The following HYOU1 variants were observed in gnomAD, a reference collection of about 807,000 sequenced individuals.
HYOU1 encodes hypoxia up-regulated protein 1.
Under a neutral mutation model 120.5 loss-of-function variants are expected in HYOU1, and 40 were observed. That is an observed-to-expected ratio of 0.33 (90% CI 0.26 to 0.43). HYOU1 has a LOEUF of 0.43. Ranked by LOEUF, HYOU1 falls within the 20% of genes least tolerant of loss-of-function variation. The probability of loss-of-function intolerance (pLI) is 1.00; values close to 1 mark genes in which losing one functional copy is unlikely to be tolerated. For synonymous variants in HYOU1, 501 were observed against 479.4 expected, an observed-to-expected ratio of 1.05 and a Z score of -0.59; for missense variants, 1,085 against 1,278.3, an observed-to-expected ratio of 0.85 and a Z score of 2.31.
Position 119,051,309 on chromosome 11 carries a change from C to G in HYOU1, c.1526+129G>C. The G allele has an allele frequency of 6.7e-7, 1 of 1,483,778 alleles. No homozygotes were observed. The allele number at this position is 1,483,778 out of a possible 1,614,324, so 91.9% of individuals were successfully genotyped here. A position where few individuals can be genotyped will look rare whatever the true frequency, so the allele number is the denominator to read the frequency against. On this transcript the variant is annotated intron_variant, in intron 13 of 25. Coordinates refer to ENST00000617285, the MANE Select transcript of HYOU1 (RefSeq NM_006389.5). This position sits in a 1 kb window ranked among gnomAD's most constrained non-coding sequence, Gnocchi z 4.2. ...TCAAGAGGACGGATGCATTCTCCAG[C>G]GAAGCTGATCATAGCTGCCCTGTTT...
At chr11:119,056,744 A>C in intron 1 of HYOU1, 1 of 230,270 alleles carries the variant, frequency 4.3e-6, no homozygotes, top group East Asian at 1.2e-4. Context: ...ACGCAGTGCC[A>C]GGGGCGGTAA....
In HYOU1 at chr11:119,055,145, G is replaced by A; in HGVS notation, c.419+40C>T. 1 of 1,612,200 alleles carries A rather than the reference G, an allele frequency of 6.2e-7. No homozygotes were observed. The highest frequency in any genetic ancestry group is 1.1e-5 in the South Asian group (1 of 90,976). On this transcript the variant is annotated intron_variant, in intron 5 of 25. Transcript: ENST00000617285. The surrounding 1 kb of genome is among the most constrained non-coding windows in gnomAD (Gnocchi z 4.0). Reference sequence around the variant, plus strand: ...GGAACACACACCAATGAGGAGCCCAGCAGCGTTGCCGAGACCACCTTCCCC... The same window carrying A: ...GGAACACACACCAATGAGGAGCCCAACAGCGTTGCCGAGACCACCTTCCCC...
At chr11:119,046,877 C>A in intron 22 of HYOU1, 75 bp from the exon 23 acceptor site, 1 of 1,541,502 alleles carries the variant, frequency 6.5e-7, no homozygotes, top group Non-Finnish European at 8.7e-7. Flanking sequence ...TGGAATCACA[C>A]CCCCAACCAG....
In HYOU1 at chr11:119,051,712, G is replaced by A; in HGVS notation, c.1339-87C>T. The A allele has an allele frequency of 6.3e-7, 1 of 1,593,904 alleles. No homozygotes were observed. On this transcript the variant is annotated intron_variant, in intron 12 of 25. Transcript: ENST00000617285. The surrounding 1 kb of genome is among the most constrained non-coding windows in gnomAD (Gnocchi z 4.2). ...GTAAGGATGGGGGTGGGATGGGGGA[G>A]ACCTCTTAGCAGAAAGACAAAGGGA...
chr11:119,046,925 C>T (rs1309778113), intron 22 of HYOU1, 123 bp from the exon 23 acceptor site: 2 of 1,318,186 alleles, frequency 1.5e-6, no homozygotes, highest in African/African-American at 2.9e-5. Context: ...CCACCCCTGG[C>T]CTCAGCCCCA....
In HYOU1 at chr11:119,045,793, C is replaced by G. The variant is rs2133544909; in HGVS notation, c.2926G>C (p.Gly976Arg). ...GCTCCATCCTCACCTGCTCCAGGAC[C>G]TCCTAACTCCAAAGGCTCAGTGTCT... is the stretch of plus-strand genomic sequence containing the variant. ...PGDTEPLELG[G>R]PGAEPEQKEQ... Residue 976 changes from glycine to arginine, a missense_variant, in exon 25 of 26, where the codon GGT (glycine) becomes CGT (arginine). Physicochemically the swap from Gly to Arg is moderately radical, Grantham distance 125. Around this residue, in one of 4 missense-constraint regions of HYOU1, gnomAD observed 516 missense variants for 517.1 expected, o/e 1.00. Coordinates refer to ENST00000617285, the MANE Select transcript of HYOU1 (RefSeq NM_006389.5). 3.1e-6 allele frequency: 5 copies of G among 1,612,188 alleles called. No homozygotes were observed. The highest frequency in any genetic ancestry group is 4.2e-6 in the Non-Finnish European group (5 of 1,179,552).
In HYOU1 at chr11:119,055,551, G is replaced by A. The variant is rs2133614160; in HGVS notation, c.206C>T (p.Pro69Leu). Residue 69 changes from proline to leucine, a missense_variant, in exon 4 of 26, where the codon CCG becomes CTG. Pro to Leu is a moderately conservative substitution (Grantham distance 98). This residue lies in a region of HYOU1 where 515 missense variants were observed against 677.8 expected (regional missense o/e 0.76). Transcript: ENST00000617285. This position sits in a 1 kb window ranked among gnomAD's most constrained non-coding sequence, Gnocchi z 4.0. Reference protein sequence around the residue: ...VLNKESRRKTPVIVTLKENER... With the variant: ...VLNKESRRKTLVIVTLKENER... ...ATTTTCTTTCAGGGTCACGATCACC[G>A]GTGTTTTCCTCCGAGATTCCCTGAG... 3.1e-6 allele frequency: 5 copies of A among 1,613,930 alleles called. No homozygotes were observed. Among genetic ancestry groups the A allele is most frequent in the African/African-American group, 1.3e-5 (1 of 74,880 alleles).
chr11:119,051,808 G>C lies in HYOU1; in HGVS notation c.1338+11C>G, dbSNP rs186236774. 2 of 1,614,070 alleles carry C rather than the reference G, an allele frequency of 1.2e-6. No individual in the cohort carries two copies. The highest frequency in any genetic ancestry group is 4.5e-5 in the East Asian group (2 of 44,874). ...AGGGAGCTTGTCACCTGCTCAGTCAGGCTCACTCACCAGGATGGGGTAGAC... is the reference window on the plus strand; with the variant it reads ...AGGGAGCTTGTCACCTGCTCAGTCACGCTCACTCACCAGGATGGGGTAGAC... On this transcript the variant is annotated intron_variant, in intron 12 of 25. Transcript: ENST00000617285. The surrounding 1 kb of genome is among the most constrained non-coding windows in gnomAD (Gnocchi z 4.2).
At chr11:119,054,070 CCT>C (rs2133602388) in intron 8 of HYOU1, 49 bp downstream of exon 8, 6 of 1,173,658 alleles carry the variant, frequency 5.1e-6, no homozygotes, top group East Asian at 2.3e-5. Context: ...AGAAGAAACC[CCT>C]GACTTGAGGG....
chr11:119,055,348 T>C lies in HYOU1; in HGVS notation c.265-9A>G. 2 of 1,611,792 alleles carry C rather than the reference T, an allele frequency of 1.2e-6. No individual in the cohort carries two copies. The highest frequency in any genetic ancestry group is 1.7e-6 in the Non-Finnish European group (2 of 1,178,574). On this transcript the variant is annotated splice_polypyrimidine_tract_variant and intron_variant, in intron 4 of 25. Transcript: ENST00000617285. The surrounding 1 kb of genome is among the most constrained non-coding windows in gnomAD (Gnocchi z 4.0). Reference sequence around the variant, plus strand: ...TTTGGATTCTTAATCGCCTGAGGGGTGAAGAAGGAGCAGACTAGTATTAGG... The same window carrying C: ...TTTGGATTCTTAATCGCCTGAGGGGCGAAGAAGGAGCAGACTAGTATTAGG...
At position 119,048,201 on chromosome 11, in the gene HYOU1, G is replaced by A; in HGVS notation, c.2376+47C>T. 1 of 1,606,396 alleles carries A rather than the reference G, an allele frequency of 6.2e-7. No individual in the cohort carries two copies. Among genetic ancestry groups the A allele is most frequent in the East Asian group, 2.2e-5 (1 of 44,776 alleles). On this transcript the variant is annotated intron_variant, in intron 20 of 25. Coordinates refer to ENST00000617285, the MANE Select transcript of HYOU1 (RefSeq NM_006389.5). This position sits in a 1 kb window ranked among gnomAD's most constrained non-coding sequence, Gnocchi z 4.7. Reference sequence around the variant, plus strand: ...TTCTCTCTCTCTGACCCTGGGAGAGGAAGGAGAGCTCCCACTCCACCTGCC... The same window carrying A: ...TTCTCTCTCTCTGACCCTGGGAGAGAAAGGAGAGCTCCCACTCCACCTGCC...
chr11:119,047,664 T>C (rs1008748428), intron 22 of HYOU1, 70 bp downstream of exon 22: 144 of 1,310,044 alleles, frequency 1.1e-4, no homozygotes, highest in Non-Finnish European at 1.5e-4. Flanking sequence ...TGTGGCTTCA[T>C]CTCTCCACCT....
intron 8 of HYOU1, chr11:119,053,335 A>C (rs1382844415): frequency 1.3e-5 from 2 of 154,142 alleles, no homozygotes; most frequent in African/African-American, 4.8e-5. Context: ...AGAGTTCACT[A>C]GCTGGAGGGG....
intron 14 of HYOU1, 122 bp downstream of exon 14, chr11:119,050,913 A>G (rs1944402983): frequency 1.7e-5 from 20 of 1,167,642 alleles, no homozygotes; most frequent in Non-Finnish European, 2.2e-5. Context: ...CAGAGCCAAC[A>G]TTTTTCTGAT....
rs1944316698 is a variant in HYOU1 at position 119,049,825 on chromosome 11, A to G, written c.1678T>C (p.Phe560Leu). Reference sequence around the variant, plus strand: ...GCGCTGTCCTCTACCAGTGTCTCAAATACAGACTCCACCTGAAAACAGGTT... The same window carrying G: ...GCGCTGTCCTCTACCAGTGTCTCAAGTACAGACTCCACCTGAAAACAGGTT... Reference protein sequence around the residue: ...VLSLDRVESVFETLVEDSAEE... With the variant: ...VLSLDRVESVLETLVEDSAEE... The change falls in exon 15 of 26, where the codon TTT (phenylalanine) becomes CTT (leucine). Residue 560 changes from phenylalanine to leucine, a missense_variant. Coordinates refer to ENST00000617285, the MANE Select transcript of HYOU1 (RefSeq NM_006389.5). 1 of 1,614,094 alleles carries G rather than the reference A, an allele frequency of 6.2e-7. No homozygotes were observed. Among genetic ancestry groups the G allele is most frequent in the Non-Finnish European group, 8.5e-7 (1 of 1,179,950 alleles).
chr11:119,048,947 G>A lies in HYOU1; in HGVS notation c.1993-61C>T, dbSNP rs1944248855. 3 of 1,609,612 alleles carry A rather than the reference G, an allele frequency of 1.9e-6. No homozygotes were observed. Among genetic ancestry groups the A allele is most frequent in the South Asian group, 1.1e-5 (1 of 90,666 alleles). ...TCTGCCCTCCTACATTCTCCACAAG[G>A]CCAGAAACAAGGCAGGCGCCTGCTC... On this transcript the variant is annotated intron_variant, in intron 17 of 25. Transcript: ENST00000617285. This position sits in a 1 kb window ranked among gnomAD's most constrained non-coding sequence, Gnocchi z 4.7.
At position 119,051,811 on chromosome 11, in the gene HYOU1, TC is replaced by T. The variant is rs2133588098; in HGVS notation, c.1338+7del. The T allele has an allele frequency of 1.2e-6, 2 of 1,614,058 alleles. No homozygotes were observed. The highest frequency in any genetic ancestry group is 2.2e-5 in the South Asian group (2 of 91,080). ...GAGCTTGTCACCTGCTCAGTCAGGC[TC>T]ACTCACCAGGATGGGGTAGACCACT... On this transcript the variant is annotated splice_region_variant and intron_variant, in intron 12 of 25. Transcript: ENST00000617285. This position sits in a 1 kb window ranked among gnomAD's most constrained non-coding sequence, Gnocchi z 4.2.
chr11:119,054,470 C>T, intron 7 of HYOU1, 24 bp downstream of exon 7: 1 of 1,611,588 alleles, frequency 6.2e-7, no homozygotes, highest in Non-Finnish European at 8.5e-7. Context: ...CCCTGCATGT[C>T]TGGTCAAGGC....
rs564713021 is a variant in HYOU1 at position 119,051,794 on chromosome 11, C to A, written c.1338+25G>T. On this transcript the variant is annotated intron_variant, in intron 12 of 25. Transcript: ENST00000617285. This position sits in a 1 kb window ranked among gnomAD's most constrained non-coding sequence, Gnocchi z 4.2. ...CTTGGGAGAGGTAAAGGGAGCTTGT[C>A]ACCTGCTCAGTCAGGCTCACTCACC... 1.2e-6 allele frequency: 2 copies of A among 1,613,300 alleles called. No homozygotes were observed. Among genetic ancestry groups the A allele is most frequent in the African/African-American group, 2.7e-5 (2 of 74,898 alleles).
Sources: gnomAD v4.1 joint callset for allele counts on GRCh38, gnomAD v4.1.1 for gene constraint, gnomAD v4.1.1 regional missense constraint, Gnocchi (gnomAD v3.1) non-coding constraint, MANE v1.5 for transcripts, NCBI Gene and HGNC (gene_info 2026-07-23, HGNC 2026-07-21) for gene names.